Variants in ASB4 observed in about 807,000 individuals in gnomAD.
The protein encoded by ASB4 is ankyrin repeat and SOCS box containing 4.
A neutral mutation model predicts 38.6 loss-of-function variants in ASB4; 35 were observed. That is an observed-to-expected ratio of 0.91 (90% CI 0.69 to 1.20). ASB4 has a LOEUF of 1.20. ASB4 is among the 50% of genes most tolerant of loss of function. The pLI is 0.00. For missense variants in ASB4, 557 were observed against 527.2 expected (o/e 1.06, Z -0.55); for synonymous variants, 195 against 201.3 (o/e 0.97, Z 0.26).
intron 3 of ASB4, among the ~76,000 whole-genome samples, chr7:95,530,353 T>A (rs1190789214): frequency 6.6e-6 from 1 of 152,082 alleles, no homozygotes; most frequent in Non-Finnish European, 1.5e-5. Context: ...TAGTCCCAGC[T>A]ACTTGGGAGG....
chr7:95,540,046 T>A lies in ASB4; in HGVS notation c.*2287T>A, dbSNP rs895758497. ...TGATGCTGAGGACAAAGGGAGAAGA[T>A]GTTCCTCGCCCAGGGAAATGAAAAC... On this transcript the variant is annotated 3_prime_UTR_variant, in exon 5 of 5. Transcript: ENST00000325885. 9.2e-5 allele frequency: 14 copies of A among 152,134 alleles called. 1 individual carries two copies. The highest frequency in any genetic ancestry group is 7.2e-4 in the Admixed American group (11 of 15,270). The allele number at this position is 152,134 out of a possible 1,614,324, so 9.4% of individuals were successfully genotyped here. A position where few individuals can be genotyped will look rare whatever the true frequency, so the allele number is the denominator to read the frequency against.
upstream of ASB4, chr7:95,473,845 T>C (rs1192497033): frequency 6.6e-6 from 1 of 152,094 alleles, no homozygotes; most frequent in East Asian, 1.9e-4. Flanking sequence ...CCACGAATGG[T>C]GTGGAAAATG....
intron 1 of ASB4, among the ~76,000 whole-genome samples, chr7:95,479,487 G>C (rs1419237445): frequency 6.6e-6 from 1 of 152,158 alleles, no homozygotes; most frequent in East Asian, 1.9e-4. Context: ...GTACTAGCTT[G>C]CTGGCTCTTT....
chr7:95,515,781 C>T (rs1161816648), intron 2 of ASB4, among the ~76,000 whole-genome samples: 1 of 152,200 alleles, frequency 6.6e-6, no homozygotes, highest in Non-Finnish European at 1.5e-5. Flanking sequence ...GACTAAAGGA[C>T]TCCTTACTTA....
chr7:95,500,727 A>G (rs1039139148), intron 2 of ASB4, among the ~76,000 whole-genome samples: 2 of 152,234 alleles, frequency 1.3e-5, no homozygotes, highest in East Asian at 3.9e-4. Context: ...TCTCATCTCA[A>G]CTTCTGAAAG....
chr7:95,489,477 T>G (rs2116578670), intron 1 of ASB4, among the ~76,000 whole-genome samples: 1 of 152,314 alleles, frequency 6.6e-6, no homozygotes, highest in African/African-American at 2.4e-5. Flanking sequence ...AGCTCTCACT[T>G]TACTTTTCTA....
intron 2 of ASB4, among the ~76,000 whole-genome samples, chr7:95,499,216 A>C (rs2116596030): frequency 6.6e-6 from 1 of 152,280 alleles, no homozygotes; most frequent in African/African-American, 2.4e-5. Flanking sequence ...TAATTTCAGA[A>C]TTGTTGGCCT....
intron 2 of ASB4, among the ~76,000 whole-genome samples, chr7:95,520,772 T>C (rs1400942621): frequency 6.6e-6 from 1 of 152,104 alleles, no homozygotes; most frequent in East Asian, 1.9e-4. Context: ...ACAGATGCTT[T>C]CTGTAGGTAG....
the ASB4 span, among the ~76,000 whole-genome samples, chr7:95,548,548 G>A: frequency 6.6e-6 from 1 of 152,192 alleles, no homozygotes; most frequent in Non-Finnish European, 1.5e-5. Flanking sequence ...AAAGTACTCA[G>A]CAATGGTACC....
intron 2 of ASB4, among the ~76,000 whole-genome samples, chr7:95,520,034 T>A (rs1790639065): frequency 6.6e-6 from 1 of 152,180 alleles, no homozygotes; most frequent in Non-Finnish European, 1.5e-5. Flanking sequence ...AATGGGTAGG[T>A]TCAGTTTGGT....
intron 1 of ASB4, among the ~76,000 whole-genome samples, chr7:95,490,255 A>T (rs535458379): frequency 9.2e-5 from 14 of 152,320 alleles, no homozygotes; most frequent in African/African-American, 2.9e-4. Context: ...CTCTGAATGA[A>T]TAATTTCTTT....
intron 2 of ASB4, among the ~76,000 whole-genome samples, chr7:95,514,069 T>C (rs974981074): frequency 6.6e-6 from 1 of 152,236 alleles, no homozygotes; most frequent in South Asian, 2.1e-4. Flanking sequence ...TTTATGGCTC[T>C]CCAGTATTTT....
At chr7:95,478,884 A>G (rs1790000269) in intron 1 of ASB4, among the ~76,000 whole-genome samples, 1 of 152,216 alleles carries the variant, frequency 6.6e-6, no homozygotes, top group South Asian at 2.1e-4. Context: ...GAGAATGAAT[A>G]CGCCGAACTT....
intron 2 of ASB4, among the ~76,000 whole-genome samples, chr7:95,511,905 T>A (rs1031482352): frequency 6.6e-6 from 1 of 152,144 alleles, no homozygotes; most frequent in Non-Finnish European, 1.5e-5. Flanking sequence ...TTTGCTACTT[T>A]AGAGTCCTGC....
rs1318169635 is a variant in ASB4, at chr7:95,537,949, T to G, written c.*190T>G. On this transcript the variant is annotated 3_prime_UTR_variant, in exon 5 of 5. Coordinates refer to ENST00000325885, the MANE Select transcript of ASB4 (RefSeq NM_016116.3). ...ATAAAGAAGAAGTAAAGTTAAGGAA[T>G]TTTCAAAGACAAGGATGTATTCAGA... The G allele has an allele frequency of 1.8e-6, 1 of 563,736 alleles. No homozygotes were observed. Among genetic ancestry groups the G allele is most frequent in the East Asian group, 2.8e-5 (1 of 35,326 alleles). 34.9% of individuals were successfully genotyped at this position (563,736 alleles called of 1,614,324 possible). A position where few individuals can be genotyped will look rare whatever the true frequency, so the allele number is the denominator to read the frequency against.
upstream of ASB4, among the ~76,000 whole-genome samples, chr7:95,476,187 G>A (rs1319216415): frequency 3.3e-5 from 5 of 152,010 alleles, no homozygotes; most frequent in South Asian, 2.1e-4. Flanking sequence ...CACATCTGTC[G>A]GTCCCTACTA....
chr7:95,486,022 T>C lies in ASB4; in HGVS notation c.51T>C (p.Val17=). 1 of 1,614,136 alleles carries C rather than the reference T, an allele frequency of 6.2e-7. No homozygotes were observed. Among genetic ancestry groups the C allele is most frequent in the Non-Finnish European group, 8.5e-7 (1 of 1,180,010 alleles). Residue 17 remains valine (V), a synonymous_variant, in exon 1 of 5, where the codon GTT becomes GTC. Coordinates refer to ENST00000325885, the MANE Select transcript of ASB4 (RefSeq NM_016116.3). ...PVTKSGAAKL[V]KRNFLEALKS... is the part of the protein sequence containing the mutation. ...CTAAATCTGGAGCTGCCAAGTTAGT[T>C]AAGAGAAATTTCCTTGAGGCGCTAA...
chr7:95,544,705 AT>A (rs1791010316), downstream of ASB4, among the ~76,000 whole-genome samples: 1 of 151,634 alleles, frequency 6.6e-6, no homozygotes, highest in African/African-American at 2.4e-5. Flanking sequence ...ATTTTATTTT[AT>A]TTTTTTGAGA....
chr7:95,505,597 G>C (rs929116791), intron 2 of ASB4, among the ~76,000 whole-genome samples: 1 of 151,664 alleles, frequency 6.6e-6, no homozygotes, highest in Non-Finnish European at 1.5e-5. Flanking sequence ...AAGTGGAAAA[G>C]AATAAGTAGC....
Sources: gnomAD v4.1 joint callset for allele counts (sites outside exome capture counted in the v4.1 genomes callset) on GRCh38, gnomAD v4.1.1 for gene constraint, MANE v1.5 for transcripts, NCBI Gene and HGNC (gene_info 2026-07-23, HGNC 2026-07-21) for gene names.